Variants in FAAH2 observed in about 807,000 individuals in gnomAD.
The protein encoded by FAAH2 is fatty acid amide hydrolase 2.
A neutral mutation model predicts 36.9 loss-of-function variants in FAAH2; 60 were observed. That is an observed-to-expected ratio of 1.63 (90% CI 1.32 to 2.02). The LOEUF (loss-of-function observed/expected upper bound fraction) is 2.02. Ranked by LOEUF, FAAH2 falls within the 30% of genes most tolerant of loss-of-function variation. The pLI is 0.00. For synonymous variants in FAAH2, 214 were observed against 143.8 expected (o/e 1.49, Z -3.49); for missense variants, 689 against 397.5 (o/e 1.73, Z -6.23).
intron 9 of FAAH2, among the ~76,000 whole-genome samples, chrX:57,447,626 C>A (rs1448883282): frequency 8.9e-6 from 1 of 112,226 alleles, no homozygotes; most frequent in African/African-American, 3.2e-5. Flanking sequence ...TGGAAGCCAC[C>A]AAGGTTTGGG....
the FAAH2 span, among the ~76,000 whole-genome samples, chrX:57,235,378 G>A: frequency 5.4e-5 from 6 of 111,393 alleles, no homozygotes; most frequent in African/African-American, 1.6e-4. Context: ...ATGCCTTTAG[G>A]TCTTGTTTAT....
chrX:57,153,254 G>A, the FAAH2 span, among the ~76,000 whole-genome samples: 1 of 111,614 alleles, frequency 9.0e-6, no homozygotes, highest in Admixed American at 9.5e-5. Context: ...GTTTATGTGA[G>A]TCCTTATGTG....
intron 3 of FAAH2, among the ~76,000 whole-genome samples, chrX:57,325,735 T>C (rs2053196521): frequency 1.5e-5 from 1 of 67,049 alleles, no homozygotes; most frequent in Admixed American, 1.9e-4. Context: ...TTTTTTCTTC[T>C]TTATTAGTCT....
rs1291964535 is a variant in FAAH2 at position 57,488,897 on chromosome X, A to G, written c.1564A>G (p.Thr522Ala). The change falls in exon 11 of 11, where the codon ACT becomes GCT. Residue 522 changes from threonine (T) to alanine (A), a missense_variant. Physicochemically the swap from Thr to Ala is moderately conservative, Grantham distance 58. Coordinates refer to ENST00000374900, the MANE Select transcript of FAAH2 (RefSeq NM_174912.4). Reference protein sequence around the residue: ...TLAVAQYLEKTFGGWVCPGKF With the variant: ...TLAVAQYLEKAFGGWVCPGKF ...GGCTGTGGCCCAGTACTTGGAGAAA[A>G]CTTTTGGGGGCTGGGTCTGTCCAGG... The G allele has an allele frequency of 9.9e-6, 12 of 1,210,282 alleles. No individual in the cohort carries two copies. Among genetic ancestry groups the G allele is most frequent in the Non-Finnish European group, 1.3e-5 (12 of 895,182 alleles).
At chrX:57,481,947 C>T (rs2057387587) in intron 10 of FAAH2, among the ~76,000 whole-genome samples, 2 of 111,820 alleles carry the variant, frequency 1.8e-5, no homozygotes, top group African/African-American at 6.5e-5. Flanking sequence ...TTCAGGGATG[C>T]CCTACCCACT....
the FAAH2 span, among the ~76,000 whole-genome samples, chrX:57,217,386 GTTATCTTCTAGAGTTTTTATAGTT>G: frequency 9.0e-6 from 1 of 111,084 alleles, no homozygotes; most frequent in African/African-American, 3.3e-5. Context: ...TTTTTCCAGT[GTTATCTTCTAGAGTTTTTATAGTT>G]TTAGGTCTTA....
chrX:57,198,212 T>C, the FAAH2 span, among the ~76,000 whole-genome samples: 1 of 111,702 alleles, frequency 9.0e-6, no homozygotes, highest in African/African-American at 3.3e-5. Context: ...TGGTTAGGCA[T>C]GTCTGAGTTC....
the FAAH2 span, among the ~76,000 whole-genome samples, chrX:57,244,742 A>G: frequency 8.9e-6 from 1 of 111,935 alleles, no homozygotes; most frequent in Non-Finnish European, 1.9e-5. Context: ...CTAAACATGA[A>G]AAGGAACATC....
chrX:57,224,526 C>A, the FAAH2 span, among the ~76,000 whole-genome samples: 1 of 111,234 alleles, frequency 9.0e-6, no homozygotes, highest in African/African-American at 3.3e-5. Flanking sequence ...GCGCAAGGGC[C>A]ACTTGTGTCA....
chrX:57,411,260 T>TA (rs1261237913), intron 7 of FAAH2, among the ~76,000 whole-genome samples: 2 of 112,140 alleles, frequency 1.8e-5, no homozygotes, highest in Admixed American at 9.5e-5. Flanking sequence ...TTATTTTCCC[T>TA]AAAGCAGTGT....
rs768074930 is a variant in FAAH2 at position 57,293,761 on chromosome X, C to A, written c.275+1181C>A. 7.2e-5 allele frequency among the ~76,000 whole-genome samples: 8 copies of A among 110,962 alleles called. No individual in the cohort carries two copies. In the South Asian group the frequency reaches 1.2e-3, roughly 16 times the overall value. ...TTGTGTATGAGGACATAGATAAAGACCTGAGAGAAAATCAAAATTTTGACC... is the reference window on the plus strand; with the variant it reads ...TTGTGTATGAGGACATAGATAAAGAACTGAGAGAAAATCAAAATTTTGACC... On this transcript the variant is annotated intron_variant, in intron 2 of 10. Transcript: ENST00000374900.
At chrX:57,133,952 C>T in the FAAH2 span, among the ~76,000 whole-genome samples, 1 of 111,428 alleles carries the variant, frequency 9.0e-6, no homozygotes, top group Non-Finnish European at 1.9e-5. Context: ...CTCCTTGCAT[C>T]TCCCACTATG....
At chrX:57,300,553 G>A (rs1408529099) in intron 2 of FAAH2, among the ~76,000 whole-genome samples, 1 of 111,653 alleles carries the variant, frequency 9.0e-6, no homozygotes, top group Admixed American at 9.5e-5. Flanking sequence ...GCATGGACAA[G>A]GACTTCATGT....
the FAAH2 span, among the ~76,000 whole-genome samples, chrX:57,242,365 G>A: frequency 8.9e-6 from 1 of 112,377 alleles, no homozygotes; most frequent in Non-Finnish European, 1.9e-5. Flanking sequence ...CAGAAAAGGG[G>A]CCTGATTGTT....
the FAAH2 span, among the ~76,000 whole-genome samples, chrX:57,234,336 TCTCA>T: frequency 9.0e-6 from 1 of 111,493 alleles, no homozygotes; most frequent in African/African-American, 3.3e-5. Flanking sequence ...ACCAATTTTA[TCTCA>T]CTCAATGAGA....
chrX:57,354,377 G>T (rs1465413353), intron 5 of FAAH2, among the ~76,000 whole-genome samples: 3 of 110,623 alleles, frequency 2.7e-5, no homozygotes, highest in Admixed American at 1.9e-4. Context: ...TGCTAAAAAC[G>T]TTTTTTACAT....
intron 5 of FAAH2, among the ~76,000 whole-genome samples, chrX:57,347,604 GTTTTTTT>G (rs61323098): frequency 3.2e-4 from 25 of 77,888 alleles, no homozygotes; most frequent in African/African-American, 1.4e-3. Flanking sequence ...GGGATGCTAA[GTTTTTTT>G]TTTTTTTTTT....
the FAAH2 span, among the ~76,000 whole-genome samples, chrX:57,155,663 C>G: frequency 8.9e-6 from 1 of 112,266 alleles, no homozygotes; most frequent in South Asian, 3.7e-4. Flanking sequence ...AAGTTCTGGC[C>G]AGGAGACTTT....
chrX:57,393,338 G>A, intron 7 of FAAH2: 2 of 814,973 alleles, frequency 2.5e-6, no homozygotes, highest in African/African-American at 2.0e-5. Context: ...CATCTTTAGA[G>A]CGCTGACAGT....
Sources: allele counts gnomAD v4.1 joint callset (sites outside exome capture counted in the v4.1 genomes callset), GRCh38; gene constraint gnomAD v4.1.1; transcripts MANE v1.5; gene names NCBI Gene and HGNC (gene_info 2026-07-23, HGNC 2026-07-21).